The following ADGRB3 variants were observed in gnomAD, a reference collection of about 807,000 sequenced individuals.
ADGRB3 encodes adhesion G protein-coupled receptor B3.
In ADGRB3, 37 loss-of-function variants were observed where a neutral mutation model predicts 193.4. The observed-to-expected ratio is 0.19, with a 90% CI of 0.15 to 0.25. The LOEUF (loss-of-function observed/expected upper bound fraction) is 0.25. Ranked by LOEUF, ADGRB3 falls within the 10% of genes least tolerant of loss-of-function variation. The pLI is 1.00. For missense variants in ADGRB3, 1,637 were observed against 1,852.9 expected (o/e 0.88, Z 2.14); for synonymous variants, 690 against 644.2 (o/e 1.07, Z -1.08).
intron 29 of ADGRB3, among the ~76,000 whole-genome samples, chr6:69,362,295 A>ATGTAT (rs1289154937): frequency 6.6e-6 from 1 of 151,974 alleles, no homozygotes; most frequent in African/African-American, 2.4e-5. Flanking sequence ...ATACATGCAT[A>ATGTAT]CTTTTATATG....
intron 3 of ADGRB3, among the ~76,000 whole-genome samples, chr6:68,719,762 A>G (rs754355553): frequency 1.3e-5 from 2 of 151,464 alleles, no homozygotes; most frequent in Non-Finnish European, 3.0e-5. Flanking sequence ...TCAACATTTC[A>G]TTGATGATTT....
chr6:68,655,262 C>A (rs969158405), intron 3 of ADGRB3, among the ~76,000 whole-genome samples: 1 of 151,550 alleles, frequency 6.6e-6, no homozygotes, highest in Non-Finnish European at 1.5e-5. Context: ...GGCATTGACA[C>A]TTTTACACAC....
intron 3 of ADGRB3, among the ~76,000 whole-genome samples, chr6:68,731,494 G>C (rs1033465260): frequency 6.6e-6 from 1 of 151,456 alleles, no homozygotes; most frequent in South Asian, 2.1e-4. Flanking sequence ...AATGCTGATG[G>C]TTTTATTTAA....
chr6:68,823,926 A>ATT (rs34876511), intron 3 of ADGRB3, among the ~76,000 whole-genome samples: 31 of 151,970 alleles, frequency 2.0e-4, no homozygotes, highest in Non-Finnish European at 3.4e-4. Flanking sequence ...CCATTCCGTT[A>ATT]TTTTTTCTGA....
intron 3 of ADGRB3, among the ~76,000 whole-genome samples, chr6:68,674,461 G>T (rs912009169): frequency 3.9e-5 from 6 of 152,064 alleles, no homozygotes; most frequent in Non-Finnish European, 8.8e-5. Flanking sequence ...AAATTCAAAT[G>T]AAAATCTTAT....
intron 3 of ADGRB3, among the ~76,000 whole-genome samples, chr6:68,835,074 G>GT (rs537138098): frequency 6.6e-6 from 1 of 152,038 alleles, no homozygotes; most frequent in Non-Finnish European, 1.5e-5. Context: ...GTAGGAGAAA[G>GT]TTTTTTTGTC....
chr6:68,855,144 C>T (rs1270539505), intron 3 of ADGRB3, among the ~76,000 whole-genome samples: 1 of 152,138 alleles, frequency 6.6e-6, no homozygotes, highest in Admixed American at 6.5e-5. Flanking sequence ...TTATGAAAAT[C>T]AAGTATTCTG....
At chr6:68,933,214 A>T (rs1162410842) in intron 4 of ADGRB3, among the ~76,000 whole-genome samples, 1 of 152,118 alleles carries the variant, frequency 6.6e-6, no homozygotes, top group East Asian at 1.9e-4. Context: ...TTAATTTATA[A>T]ACATGTTTAG....
chr6:69,186,622 G>A (rs906441292), intron 17 of ADGRB3, among the ~76,000 whole-genome samples: 21 of 151,728 alleles, frequency 1.4e-4, no homozygotes, highest in African/African-American at 3.6e-4. Context: ...TTTAGTACAC[G>A]TTTGAATAAA....
At chr6:69,007,707 A>T (rs1310002087) in intron 11 of ADGRB3, among the ~76,000 whole-genome samples, 3 of 151,496 alleles carry the variant, frequency 2.0e-5, no homozygotes, top group African/African-American at 7.3e-5. Flanking sequence ...ACACACACAC[A>T]CACACACACA....
chr6:68,696,987 TCA>T (rs1561997624), intron 3 of ADGRB3, among the ~76,000 whole-genome samples: 1 of 152,014 alleles, frequency 6.6e-6, no homozygotes, highest in Non-Finnish European at 1.5e-5. Flanking sequence ...TTCAGTCAGC[TCA>T]GTCAGTGAGA....
rs529195988 is a variant in ADGRB3, at chr6:69,239,741, T to G, written c.2814+515T>G. Among the ~76,000 whole-genome samples, 20 of 152,142 alleles carry G rather than the reference T, an allele frequency of 1.3e-4. No individual in the cohort carries two copies. In the South Asian group the frequency reaches 2.5e-3, roughly 19 times the overall value. Reference sequence around the variant, plus strand: ...TTTAGATTTTATGCCTTTCAAAATTTTTGCTTCACCTAAAGGTATTTTGAT... The same window carrying G: ...TTTAGATTTTATGCCTTTCAAAATTGTTGCTTCACCTAAAGGTATTTTGAT... On this transcript the variant is annotated intron_variant, in intron 20 of 31. Coordinates refer to ENST00000370598, the MANE Select transcript of ADGRB3 (RefSeq NM_001704.3).
chr6:68,782,532 C>T (rs1023332199), intron 3 of ADGRB3, among the ~76,000 whole-genome samples: 6 of 151,994 alleles, frequency 3.9e-5, no homozygotes, highest in African/African-American at 7.2e-5. Flanking sequence ...GTTCTAGATC[C>T]CTGAGGAATC....
chr6:68,810,430 C>CA (rs1183388184), intron 3 of ADGRB3, among the ~76,000 whole-genome samples: 1 of 152,136 alleles, frequency 6.6e-6, no homozygotes, highest in Non-Finnish European at 1.5e-5. Flanking sequence ...AGGTGCTTTT[C>CA]AAAATATGGT....
intron 22 of ADGRB3, among the ~76,000 whole-genome samples, chr6:69,328,385 G>T (rs1377307970): frequency 1.3e-5 from 2 of 152,166 alleles, no homozygotes; most frequent in African/African-American, 2.4e-5. Flanking sequence ...GACCGTGGAA[G>T]AAATTAAAAG....
intron 31 of ADGRB3, among the ~76,000 whole-genome samples, chr6:69,384,488 G>A (rs1770019192): frequency 6.6e-6 from 1 of 152,040 alleles, no homozygotes; most frequent in African/African-American, 2.4e-5. Context: ...ACTTAAAAAA[G>A]GAGAGGGTTA....
intron 3 of ADGRB3, among the ~76,000 whole-genome samples, chr6:68,800,739 C>G (rs1468229675): frequency 6.6e-6 from 1 of 151,380 alleles, no homozygotes; most frequent in African/African-American, 2.4e-5. Context: ...AGCATTCTGC[C>G]TCTGAATGAA....
chr6:69,211,729 A>G (rs1765672780), intron 17 of ADGRB3, among the ~76,000 whole-genome samples: 1 of 152,164 alleles, frequency 6.6e-6, no homozygotes, highest in Non-Finnish European at 1.5e-5. Context: ...CCCAGGACCT[A>G]AAACTTGACT....
intron 3 of ADGRB3, among the ~76,000 whole-genome samples, chr6:68,672,362 A>G (rs1213408929): frequency 6.7e-6 from 1 of 149,510 alleles, no homozygotes; most frequent in African/African-American, 2.5e-5. Context: ...TAACCGGTTT[A>G]TTTGATGTTT....
Sources: gnomAD v4.1 joint callset for allele counts (sites outside exome capture counted in the v4.1 genomes callset) on GRCh38, gnomAD v4.1.1 for gene constraint, MANE v1.5 for transcripts, NCBI Gene and HGNC (gene_info 2026-07-23, HGNC 2026-07-21) for gene names.